EYA1: variants seen among roughly 807,000 people sequenced by gnomAD.
The protein encoded by EYA1 is EYA transcriptional coactivator and phosphatase 1.
In EYA1, 16 loss-of-function variants were observed where a neutral mutation model predicts 82.0. That is an observed-to-expected ratio of 0.20 (90% confidence interval 0.13 to 0.30). The LOEUF (loss-of-function observed/expected upper bound fraction) is 0.30, where lower values mean the gene tolerates loss of function less well. Ranked by LOEUF, EYA1 falls within the 10% of genes least tolerant of loss-of-function variation. EYA1 has a pLI of 1.00. For synonymous variants in EYA1, 261 were observed against 264.4 expected (o/e 0.99, Z 0.12); for missense variants, 633 against 730.7 (o/e 0.87, Z 1.54).
chr8:71,475,559 T>A (rs1809596465), intron 2 of EYA1, among the ~76,000 whole-genome samples: 2 of 152,208 alleles, frequency 1.3e-5, no homozygotes, highest in Admixed American at 6.5e-5. Context: ...ACCTTTATTA[T>A]ATTATTATTT....
intron 7 of EYA1, among the ~76,000 whole-genome samples, chr8:71,307,259 C>T (rs1820828415): frequency 6.6e-6 from 1 of 152,046 alleles, no homozygotes; most frequent in African/African-American, 2.4e-5. Flanking sequence ...CAGACTTTAT[C>T]TGGAGAACTT....
chr8:71,319,930 T>G (rs1195681360), intron 6 of EYA1, among the ~76,000 whole-genome samples: 2 of 152,078 alleles, frequency 1.3e-5, no homozygotes, highest in Non-Finnish European at 2.9e-5. Context: ...ATTAGGAAAA[T>G]GCTAAGAACT....
chr8:71,440,521 C>T (rs1272775715), intron 2 of EYA1, among the ~76,000 whole-genome samples: 1 of 152,228 alleles, frequency 6.6e-6, no homozygotes, highest in East Asian at 1.9e-4. Context: ...ACTTGGGCAG[C>T]TATGTCAGGA....
In EYA1 at chr8:71,241,016, T is replaced by A. The variant is rs554803027; in HGVS notation, c.1140+3587A>T. 2.0e-5 allele frequency among the ~76,000 whole-genome samples: 3 copies of A among 152,150 alleles called. No individual in the cohort carries two copies. The South Asian group carries it at 6.2e-4, about 32-fold the overall frequency. ...GCATCATCGTATTGCACATGGAGAG[T>A]TTTTTTGTAAAATGATATGCAGGAC... On this transcript the variant is annotated intron_variant, in intron 12 of 17. Transcript: ENST00000340726.
chr8:71,489,401 C>A (rs1233972262), intron 2 of EYA1, among the ~76,000 whole-genome samples: 1 of 151,892 alleles, frequency 6.6e-6, no homozygotes, highest in Non-Finnish European at 1.5e-5. Flanking sequence ...TTCCTACAAA[C>A]GCTTTGTTTT....
At chr8:71,336,922 G>C (rs776117543) in intron 3 of EYA1, among the ~76,000 whole-genome samples, 5 of 152,168 alleles carry the variant, frequency 3.3e-5, no homozygotes, top group Non-Finnish European at 7.3e-5. Flanking sequence ...ATGTAAAATA[G>C]TTTCTGAATG....
At position 71,439,521 on chromosome 8, in the gene EYA1, C is replaced by T. The variant is rs1411489642; in HGVS notation, c.34-83010G>A. Reference sequence around the variant, plus strand: ...TAAATGTCTGAGCATGATTATGGGACCTGTACTTTAGGGTAGATTCATATT... The same window carrying T: ...TAAATGTCTGAGCATGATTATGGGATCTGTACTTTAGGGTAGATTCATATT... On this transcript the variant is annotated intron_variant, in intron 2 of 18. Coordinates refer to the EYA1 transcript ENST00000643681. 1.3e-5 allele frequency among the ~76,000 whole-genome samples: 2 copies of T among 152,198 alleles called. 1 individual carries two copies.
intron 9 of EYA1, among the ~76,000 whole-genome samples, chr8:71,294,479 A>AAAAC (rs371750628): frequency 5.6e-4 from 85 of 152,222 alleles, no homozygotes; most frequent in African/African-American, 1.9e-3. Flanking sequence ...AACAAAAAAA[A>AAAAC]CACACCATTA....
At chr8:71,201,159 A>C (rs575710654) in intron 17 of EYA1, among the ~76,000 whole-genome samples, 1 of 150,288 alleles carries the variant, frequency 6.7e-6, no homozygotes, top group African/African-American at 2.5e-5. Flanking sequence ...GATTTATTGG[A>C]TATTGTGTTA....
chr8:71,444,934 T>C (rs2129173801), intron 2 of EYA1, among the ~76,000 whole-genome samples: 1 of 152,350 alleles, frequency 6.6e-6, no homozygotes, highest in East Asian at 1.9e-4. Context: ...GTAATATTTT[T>C]TTCCAACAGC....
rs727503043 is a variant in EYA1 at position 71,215,664 on chromosome 8, G to T, written c.1425C>A (p.Thr475=). The T allele has an allele frequency of 1.2e-6, 2 of 1,614,038 alleles. No individual in the cohort carries two copies. The highest frequency in any genetic ancestry group is 1.3e-5 in the African/African-American group (1 of 74,922). ...LQLRAEIEAL[T]DSWLTLALKA... The stretch of plus-strand genomic sequence containing the variant: ...TCAGGGCCAGTGTCAACCAGGAGTC[G>T]GTCAGGGCTTCAATTTCGGCCCTCA... The change falls in exon 15 of 18, where the codon ACC becomes ACA. Residue 475 remains threonine (T), a synonymous_variant. Transcript: ENST00000340726.
intron 2 of EYA1, among the ~76,000 whole-genome samples, chr8:71,492,465 A>T (rs1406498359): frequency 4.2e-5 from 5 of 119,632 alleles, no homozygotes; most frequent in African/African-American, 1.6e-4. Flanking sequence ...TTTATTTATT[A>T]TTATTTTTTT....
At chr8:71,502,409 A>G (rs1004172014) in intron 2 of EYA1, among the ~76,000 whole-genome samples, 6 of 152,240 alleles carry the variant, frequency 3.9e-5, no homozygotes, top group African/African-American at 1.4e-4. Context: ...CTAGATTTTA[A>G]TCATTTTAAT....
At chr8:71,455,934 G>A (rs971018199) in intron 2 of EYA1, among the ~76,000 whole-genome samples, 3 of 152,110 alleles carry the variant, frequency 2.0e-5, no homozygotes, top group Non-Finnish European at 4.4e-5. Context: ...AAGAAATGAA[G>A]GGTATTCAAT....
chr8:71,239,651 A>G lies in EYA1; in HGVS notation c.1140+4952T>C, dbSNP rs75527589. ...TTAGGTTTGGACTGTAATTATCCAT[A>G]TGCTCACACCCTTTCATATGGCTAC... On this transcript the variant is annotated intron_variant, in intron 12 of 17. Coordinates refer to ENST00000340726, the MANE Select transcript of EYA1 (RefSeq NM_000503.6). Among the ~76,000 whole-genome samples the G allele has an allele frequency of 6.0e-4, 91 of 152,280 alleles. No individual in the cohort carries two copies. The East Asian group carries it at 0.015, about 25-fold the overall frequency.
At chr8:71,354,713 C>A (rs547591378) in intron 3 of EYA1, 69 bp downstream of exon 3, 1 of 1,486,264 alleles carries the variant, frequency 6.7e-7, no homozygotes. Context: ...ATCATAACCA[C>A]CTAATAACAA....
chr8:71,355,779 A>T (rs544585082), intron 2 of EYA1, among the ~76,000 whole-genome samples: 2 of 152,224 alleles, frequency 1.3e-5, no homozygotes, highest in Non-Finnish European at 2.9e-5. Context: ...TACTTATTCC[A>T]TAAAAGGTAC....
chr8:71,348,328 T>C (rs1825960306), intron 3 of EYA1, among the ~76,000 whole-genome samples: 1 of 152,202 alleles, frequency 6.6e-6, no homozygotes, highest in African/African-American at 2.4e-5. Context: ...GGCATATGAA[T>C]TTGACTAAAT....
chr8:71,437,941 T>C (rs2129167707), intron 2 of EYA1, among the ~76,000 whole-genome samples: 1 of 152,244 alleles, frequency 6.6e-6, no homozygotes, highest in African/African-American at 2.4e-5. Flanking sequence ...AATGATTACT[T>C]GGGGATATTT....
Sources: gnomAD v4.1 joint callset for allele counts (sites outside exome capture counted in the v4.1 genomes callset) on GRCh38, gnomAD v4.1.1 for gene constraint, MANE v1.5 for transcripts, NCBI Gene and HGNC (gene_info 2026-07-23, HGNC 2026-07-21) for gene names.